The following VPS29 variants were observed in gnomAD, a reference collection of about 807,000 sequenced individuals.
VPS29 encodes the protein vacuolar protein sorting-associated protein 29.
Under a neutral mutation model 20.0 loss-of-function variants are expected in VPS29, and 2 were observed. The ratio of observed to expected loss-of-function variants is 0.10; its 90% CI spans 0.04 to 0.31. The LOEUF is 0.31. Ranked by LOEUF, VPS29 falls within the 10% of genes least tolerant of loss-of-function variation. The pLI, the probability that VPS29 is intolerant of heterozygous loss-of-function variation, is 1.00. For missense variants in VPS29, 120 were observed against 215.3 expected (o/e 0.56, Z 2.77); for synonymous variants, 81 against 79.3 (o/e 1.02, Z -0.12).
chr12:110,494,323 G>A (rs912115939), intron 2 of VPS29, among the ~76,000 whole-genome samples: 1 of 150,230 alleles, frequency 6.7e-6, no homozygotes, highest in African/African-American at 2.5e-5. Flanking sequence ...CGCGATCTCG[G>A]CTCACTGCAA....
Position 110,491,639 on chromosome 12 carries a change from T to G in VPS29, c.*366A>C, listed in dbSNP as rs924426832. Reference sequence around the variant, plus strand: ...TATCAAAGTATAAATGAAAGGTAATTGTTTATTACTGGAGAAGAGAAAAAT... The same window carrying G: ...TATCAAAGTATAAATGAAAGGTAATGGTTTATTACTGGAGAAGAGAAAAAT... On this transcript the variant is annotated 3_prime_UTR_variant, in exon 4 of 4. Transcript: ENST00000549578. 1 of 165,484 alleles carries G rather than the reference T, an allele frequency of 6.0e-6. No individual in the cohort carries two copies. Among genetic ancestry groups the G allele is most frequent in the African/African-American group, 2.4e-5 (1 of 41,634 alleles). 10.3% of individuals were successfully genotyped at this position (165,484 alleles called of 1,614,324 possible).
intron 1 of VPS29, among the ~76,000 whole-genome samples, chr12:110,500,407 AC>A (rs2062988420): frequency 6.6e-6 from 1 of 152,222 alleles, no homozygotes; most frequent in Admixed American, 6.5e-5. Context: ...ATATTTTGAA[AC>A]CATGGCAAGT....
intron 2 of VPS29, among the ~76,000 whole-genome samples, chr12:110,494,327 A>G (rs578239449): frequency 1.4e-3 from 197 of 145,914 alleles, no homozygotes; most frequent in African/African-American, 4.8e-3. Context: ...ATCTCGGCTC[A>G]CTGCAAACTC....
intron 1 of VPS29, among the ~76,000 whole-genome samples, chr12:110,497,694 C>T (rs2062931004): frequency 1.3e-5 from 2 of 151,532 alleles, no homozygotes; most frequent in Admixed American, 1.3e-4. Flanking sequence ...AGTTCGAGAC[C>T]AGCCTGGCCA....
intron 1 of VPS29, among the ~76,000 whole-genome samples, chr12:110,500,357 A>G (rs1390052321): frequency 6.6e-6 from 1 of 152,220 alleles, no homozygotes. Context: ...AACTACCCTA[A>G]ATAAGAGGGA....
In VPS29 at chr12:110,496,219, G is replaced by A. The variant is rs148531945; in HGVS notation, c.4-16C>T. 1.2e-3 allele frequency: 1,854 copies of A among 1,587,506 alleles called. 8 individuals carry two copies. Among genetic ancestry groups the A allele is most frequent in the Non-Finnish European group, 1.1e-3 (1,239 of 1,159,740 alleles). Reference sequence around the variant, plus strand: ...CCAACACCAACTTTAAAGTGTCAAGGTGAGATAAAGCATAATGTTAAACAC... The same window carrying A: ...CCAACACCAACTTTAAAGTGTCAAGATGAGATAAAGCATAATGTTAAACAC... On this transcript the variant is annotated splice_polypyrimidine_tract_variant and intron_variant, in intron 1 of 3. Coordinates refer to ENST00000549578, the MANE Select transcript of VPS29 (RefSeq NM_016226.5).
chr12:110,499,463 A>G (rs2062959554), intron 1 of VPS29: 5 of 1,602,648 alleles, frequency 3.1e-6, no homozygotes, highest in Non-Finnish European at 3.4e-6. Flanking sequence ...AGACCTTAAA[A>G]GGGTAAGAAA....
chr12:110,501,317 G>A, intron 1 of VPS29: 1 of 1,443,962 alleles, frequency 6.9e-7, no homozygotes, highest in South Asian at 1.2e-5. Flanking sequence ...GGGGAGACTA[G>A]GTAAGTCTCC....
intron 1 of VPS29, among the ~76,000 whole-genome samples, chr12:110,497,653 G>C (rs1291543543): frequency 2.0e-5 from 3 of 151,948 alleles, no homozygotes; most frequent in Non-Finnish European, 4.4e-5. Flanking sequence ...CACTTTGGGA[G>C]GCCGAGGTGG....
intron 2 of VPS29, 26 bp downstream of exon 2, chr12:110,495,986 T>A: frequency 6.8e-7 from 1 of 1,478,388 alleles, no homozygotes; most frequent in African/African-American, 1.4e-5. Flanking sequence ...GGGAGATATT[T>A]GAGAAGGGAA....
In VPS29 at chr12:110,502,076, AC is replaced by A; in HGVS notation, c.-26del. 6.2e-7 allele frequency: 1 copy of A among 1,609,426 alleles called. No homozygotes were observed. Among genetic ancestry groups the A allele is most frequent in the Non-Finnish European group, 8.5e-7 (1 of 1,178,584 alleles). The stretch of plus-strand genomic sequence containing the variant: ...TCCTGTCACCGGGCTCCGCTCAGTC[AC>A]CACCACCGTCGCCGCCCTCTTCCTC... On this transcript the variant is annotated 5_prime_UTR_variant, in exon 1 of 4. Coordinates refer to ENST00000549578, the MANE Select transcript of VPS29 (RefSeq NM_016226.5).
intron 2 of VPS29, 31 bp from the exon 3 acceptor site, chr12:110,493,262 G>A (rs566516874): frequency 1.4e-6 from 2 of 1,391,186 alleles, no homozygotes; most frequent in South Asian, 3.3e-5. Context: ...AAGAAAATAT[G>A]TATTTTAGAG....
At chr12:110,497,656 C>T (rs190671447) in intron 1 of VPS29, among the ~76,000 whole-genome samples, 6 of 151,540 alleles carry the variant, frequency 4.0e-5, no homozygotes, top group East Asian at 2.0e-4. Flanking sequence ...TTTGGGAGGC[C>T]GAGGTGGGCA....
chr12:110,496,264 C>A (rs1464506801), intron 1 of VPS29, 61 bp from the exon 2 acceptor site: 1 of 1,439,544 alleles, frequency 6.9e-7, no homozygotes, highest in South Asian at 1.5e-5. Flanking sequence ...ACAAAATAGT[C>A]TCCTCTTGTA....
intron 1 of VPS29, chr12:110,499,531 T>TTAC (rs1199650029): frequency 6.2e-7 from 1 of 1,612,566 alleles, no homozygotes; most frequent in African/African-American, 1.3e-5. Flanking sequence ...GTGAAGAAAC[T>TTAC]TACTCTGTGC....
Position 110,493,230 on chromosome 12 carries a change from T to C in VPS29, c.197A>G (p.Asn66Ser), listed in dbSNP as rs201417283. Residue 66 changes from asparagine (N) to serine (S), a missense_variant and splice_region_variant, in exon 3 of 4, where the codon AAT becomes AGT. Physicochemically the swap from Asn to Ser is conservative, Grantham distance 46. Transcript: ENST00000549578. ...VHIVRGDFDENLNYPEQKVVT... is the reference protein window; with the variant it reads ...VHIVRGDFDESLNYPEQKVVT... ...AACTTTCTGTTCTGGATAATTCAGA[T>C]TCTAACATAAGAAAAAGACGTAAGA... 2.5e-5 allele frequency: 38 copies of C among 1,496,914 alleles called. No homozygotes were observed. The Admixed American group carries it at 5.9e-4, about 23-fold the overall frequency. 92.7% of individuals were successfully genotyped at this position (1,496,914 alleles called of 1,614,324 possible).
intron 1 of VPS29, chr12:110,501,338 C>G: frequency 6.6e-7 from 1 of 1,523,968 alleles, no homozygotes; most frequent in South Asian, 1.2e-5. Context: ...AACACCGGCA[C>G]TCTCCCCAGA....
chr12:110,492,811 A>C, intron 3 of VPS29, 185 bp downstream of exon 3: 1 of 537,222 alleles, frequency 1.9e-6, no homozygotes, highest in Non-Finnish European at 3.2e-6. Flanking sequence ...TTTTGTAGAG[A>C]CAGGGTCTCA....
At chr12:110,499,430 G>T in intron 1 of VPS29, 1 of 1,502,670 alleles carries the variant, frequency 6.7e-7, no homozygotes, top group South Asian at 1.3e-5. Context: ...CAAAGCATGG[G>T]AATTCGGTTA....
Sources: allele counts gnomAD v4.1 joint callset (sites outside exome capture counted in the v4.1 genomes callset), GRCh38; gene constraint gnomAD v4.1.1; transcripts MANE v1.5; gene names NCBI Gene and HGNC (gene_info 2026-07-23, HGNC 2026-07-21).